CTNNA3: variants seen among roughly 807,000 people sequenced by gnomAD.
CTNNA3 encodes the protein catenin alpha 3.
In CTNNA3, 76 loss-of-function variants were observed where a neutral mutation model predicts 95.7. The ratio of observed to expected loss-of-function variants is 0.79; its 90% CI spans 0.66 to 0.96. The LOEUF is 0.96. CTNNA3 is among the 40% of genes least tolerant of loss of function. The pLI is 0.00. For synonymous variants in CTNNA3, 431 were observed against 374.4 expected, an observed-to-expected ratio of 1.15 and a Z score of -1.74; for missense variants, 1,191 against 1,089.8, an observed-to-expected ratio of 1.09 and a Z score of -1.31.
chr10:66,650,944 C>T (rs1252480388), intron 9 of CTNNA3, among the ~76,000 whole-genome samples: 1 of 152,150 alleles, frequency 6.6e-6, no homozygotes, highest in Non-Finnish European at 1.5e-5. Flanking sequence ...ACCGCTGGCT[C>T]GGGCAGCCTC....
chr10:67,580,548 T>C (rs1842350574), intron 3 of CTNNA3, among the ~76,000 whole-genome samples: 1 of 151,812 alleles, frequency 6.6e-6, no homozygotes, highest in African/African-American at 2.4e-5. Context: ...CGGGCTCTTT[T>C]TTGGTTCCAT....
chr10:66,821,364 A>G (rs570865951), intron 7 of CTNNA3, among the ~76,000 whole-genome samples: 13 of 152,274 alleles, frequency 8.5e-5, no homozygotes, highest in Admixed American at 6.5e-4. Flanking sequence ...TATTCTGGCT[A>G]TAAATATCTC....
intron 7 of CTNNA3, among the ~76,000 whole-genome samples, chr10:67,100,644 C>G (rs1479977286): frequency 6.6e-6 from 1 of 151,634 alleles, no homozygotes; most frequent in Middle Eastern, 3.2e-3. Flanking sequence ...ATGTTTGGAG[C>G]TGAAAAATGG....
chr10:67,114,508 G>T (rs1859070731), intron 7 of CTNNA3, among the ~76,000 whole-genome samples: 1 of 152,032 alleles, frequency 6.6e-6, no homozygotes. Flanking sequence ...AGTCTCTGTA[G>T]ATTTTTTTTA....
intron 13 of CTNNA3, among the ~76,000 whole-genome samples, chr10:66,201,783 CTTTTT>C (rs1236010501): frequency 2.5e-5 from 2 of 79,378 alleles, no homozygotes; most frequent in African/African-American, 1.0e-4. Flanking sequence ...TTTACTTTTT[CTTTTT>C]TTTTTTTTTT....
At chr10:66,491,666 C>A (rs1405862642) in intron 11 of CTNNA3, among the ~76,000 whole-genome samples, 1 of 152,006 alleles carries the variant, frequency 6.6e-6, no homozygotes, top group Non-Finnish European at 1.5e-5. Context: ...AAAAATTTGT[C>A]TTTTTGTATC....
chr10:66,913,131 C>CGGG (rs939750578), intron 7 of CTNNA3, among the ~76,000 whole-genome samples: 4 of 140,084 alleles, frequency 2.9e-5, no homozygotes, highest in African/African-American at 1.0e-4. Context: ...CCCAGCTACT[C>CGGG]GGGAGGCTGA....
chr10:67,278,631 T>C (rs1440685459), intron 5 of CTNNA3, among the ~76,000 whole-genome samples: 4 of 152,154 alleles, frequency 2.6e-5, no homozygotes, highest in Non-Finnish European at 5.9e-5. Context: ...TTGTACAATG[T>C]TTCTTATCAG....
At chr10:67,324,775 C>A (rs1166168730) in intron 5 of CTNNA3, among the ~76,000 whole-genome samples, 1 of 151,754 alleles carries the variant, frequency 6.6e-6, no homozygotes, top group African/African-American at 2.4e-5. Flanking sequence ...GAAAGAAGAC[C>A]CTCCTTCTCA....
chr10:66,777,724 A>G (rs906918213), intron 7 of CTNNA3, among the ~76,000 whole-genome samples: 6 of 151,760 alleles, frequency 4.0e-5, no homozygotes, highest in African/African-American at 1.5e-4. Context: ...CAGAGATAAT[A>G]AAAAAGAGGC....
intron 11 of CTNNA3, among the ~76,000 whole-genome samples, chr10:66,500,849 T>TA (rs1477254032): frequency 2.0e-5 from 3 of 152,150 alleles, no homozygotes; most frequent in African/African-American, 7.2e-5. Context: ...GATTGTAGGG[T>TA]AGTTGGTCTG....
chr10:67,671,474 G>A lies in CTNNA3; in HGVS notation c.-5-23956C>T, dbSNP rs534376977. Among the ~76,000 whole-genome samples, 21 of 151,014 alleles carry A rather than the reference G, an allele frequency of 1.4e-4. 1 individual carries two copies. In the South Asian group the frequency reaches 4.2e-3, roughly 30 times the overall value. ...GCTGCACCCATTAACTCGTCATTTA[G>A]CATTAGGTATATCTCCTAATGCTAT... is the stretch of plus-strand genomic sequence containing the variant. On this transcript the variant is annotated intron_variant, in intron 1 of 17. Transcript: ENST00000433211.
intron 1 of CTNNA3, among the ~76,000 whole-genome samples, chr10:67,739,983 G>C (rs1378467043): frequency 1.3e-5 from 2 of 152,102 alleles, no homozygotes; most frequent in Non-Finnish European, 2.9e-5. Flanking sequence ...GAACAGAACA[G>C]AGCCCTCAGA....
At chr10:66,489,772 C>A (rs773027943) in intron 11 of CTNNA3, among the ~76,000 whole-genome samples, 1 of 152,118 alleles carries the variant, frequency 6.6e-6, no homozygotes, top group Non-Finnish European at 1.5e-5. Context: ...GTCTCCAAAC[C>A]CACTGGATTC....
At chr10:66,339,099 A>G (rs1048588750) in intron 12 of CTNNA3, among the ~76,000 whole-genome samples, 2 of 151,804 alleles carry the variant, frequency 1.3e-5, no homozygotes, top group Non-Finnish European at 3.0e-5. Flanking sequence ...ACAAAAATCT[A>G]TGTATTTTTT....
At position 66,468,828 on chromosome 10, in the gene CTNNA3, G is replaced by T. The variant is rs111435132; in HGVS notation, c.1531+51789C>A. On this transcript the variant is annotated intron_variant, in intron 11 of 17. Coordinates refer to ENST00000433211, the MANE Select transcript of CTNNA3 (RefSeq NM_013266.4). ...CCACAGTCCAGAGATAATCACAGTC[G>T]AATTTTCTGGTATTTTTTCAATAGT... 3.3e-5 allele frequency among the ~76,000 whole-genome samples: 5 copies of T among 151,718 alleles called. No individual in the cohort carries two copies. The South Asian group carries it at 6.2e-4, about 19-fold the overall frequency.
At chr10:66,241,761 GT>G (rs2090120074) in intron 13 of CTNNA3, among the ~76,000 whole-genome samples, 2 of 150,772 alleles carry the variant, frequency 1.3e-5, no homozygotes, top group African/African-American at 4.9e-5. Context: ...CTAAATAATT[GT>G]CTTAAATATT....
chr10:66,306,917 A>C (rs1258001583), intron 12 of CTNNA3, among the ~76,000 whole-genome samples: 1 of 152,244 alleles, frequency 6.6e-6, no homozygotes, highest in Non-Finnish European at 1.5e-5. Flanking sequence ...AGGCTGAAAG[A>C]AAAGTTAATT....
intron 17 of CTNNA3, among the ~76,000 whole-genome samples, chr10:65,921,997 C>G (rs77333875): frequency 6.6e-6 from 1 of 152,098 alleles, no homozygotes; most frequent in Non-Finnish European, 1.5e-5. Flanking sequence ...GAGGTAAGTA[C>G]TCTTATTATC....
Sources: gnomAD v4.1 joint callset for allele counts (sites outside exome capture counted in the v4.1 genomes callset) on GRCh38, gnomAD v4.1.1 for gene constraint, MANE v1.5 for transcripts, NCBI Gene and HGNC (gene_info 2026-07-23, HGNC 2026-07-21) for gene names.